MCUB: variants seen among roughly 807,000 people sequenced by gnomAD.
MCUB encodes the protein mitochondrial calcium uniporter dominant negative subunit beta, also known as calcium uniporter regulatory subunit MCUb, mitochondrial.
Under a neutral mutation model 41.4 loss-of-function variants are expected in MCUB, and 46 were observed. The observed-to-expected ratio is 1.11, with a 90% CI of 0.88 to 1.42. The LOEUF (loss-of-function observed/expected upper bound fraction) is 1.42. Ranked by LOEUF, MCUB falls within the 40% of genes most tolerant of loss-of-function variation. MCUB has a pLI of 0.00. For missense variants in MCUB, 403 were observed against 404.9 expected (o/e 1.00, Z 0.04); for synonymous variants, 148 against 148.2 (o/e 1.00, Z 0.01).
intron 1 of MCUB, 75 bp from the exon 2 acceptor site, chr4:109,658,936 T>G (rs1219903359): frequency 4.8e-6 from 4 of 841,752 alleles, no homozygotes; most frequent in Non-Finnish European, 7.9e-6. Context: ...AAGAATCTTA[T>G]GGTAAAATAA....
intron 1 of MCUB, among the ~76,000 whole-genome samples, chr4:109,580,934 C>T (rs535639132): frequency 1.1e-4 from 16 of 152,222 alleles, no homozygotes; most frequent in South Asian, 4.2e-4. Context: ...GAATCAATAT[C>T]GTGAAAATGG....
At chr4:109,625,583 G>A (rs565775357) in intron 1 of MCUB, among the ~76,000 whole-genome samples, 4 of 152,122 alleles carry the variant, frequency 2.6e-5, no homozygotes, top group Non-Finnish European at 4.4e-5. Flanking sequence ...AATAGGTTAG[G>A]TGCATTTTCA....
intron 1 of MCUB, among the ~76,000 whole-genome samples, chr4:109,596,977 A>G (rs1392617655): frequency 1.3e-5 from 2 of 151,824 alleles, no homozygotes; most frequent in Non-Finnish European, 2.9e-5. Context: ...AACAAAGCAC[A>G]TCTTGCACCG....
intron 1 of MCUB, among the ~76,000 whole-genome samples, chr4:109,611,773 T>G (rs1226422061): frequency 6.6e-6 from 1 of 152,204 alleles, no homozygotes; most frequent in African/African-American, 2.4e-5. Flanking sequence ...GTCCATTTCT[T>G]TTTATTGGTA....
intron 1 of MCUB, among the ~76,000 whole-genome samples, chr4:109,588,100 C>T (rs1727351292): frequency 6.6e-6 from 1 of 152,144 alleles, no homozygotes; most frequent in African/African-American, 2.4e-5. Context: ...TTGCAGTAGC[C>T]TTTATCTTCA....
chr4:109,588,381 T>C (rs1727356306), intron 1 of MCUB, among the ~76,000 whole-genome samples: 1 of 152,308 alleles, frequency 6.6e-6, no homozygotes, highest in South Asian at 2.1e-4. Context: ...GCCGAGAAAT[T>C]GCTGTGTGAC....
chr4:109,662,967 A>G (rs1198433037), intron 3 of MCUB, among the ~76,000 whole-genome samples: 1 of 152,192 alleles, frequency 6.6e-6, no homozygotes, highest in Admixed American at 6.5e-5. Context: ...TCTCACTGCA[A>G]CTGATGAACA....
At chr4:109,664,416 C>A in intron 4 of MCUB, 22 bp downstream of exon 4, 72 of 801,246 alleles carry the variant, frequency 9.0e-5, no homozygotes, top group Non-Finnish European at 1.3e-4. Flanking sequence ...AGCTATCCAA[C>A]TATTACTTTT....
At chr4:109,565,990 A>G (rs966997516) in intron 1 of MCUB, among the ~76,000 whole-genome samples, 3 of 151,690 alleles carry the variant, frequency 2.0e-5, no homozygotes, top group African/African-American at 7.3e-5. Flanking sequence ...AGGCAGGCAC[A>G]CACCACCATG....
At chr4:109,580,432 C>A (rs1302114126) in intron 1 of MCUB, among the ~76,000 whole-genome samples, 4 of 152,306 alleles carry the variant, frequency 2.6e-5, no homozygotes, top group Admixed American at 2.0e-4. Context: ...ATTTCTAGTT[C>A]TAGATCCCTG....
intron 1 of MCUB, among the ~76,000 whole-genome samples, chr4:109,567,465 T>C (rs1726808795): frequency 1.8e-5 from 1 of 55,306 alleles, no homozygotes; most frequent in African/African-American, 9.6e-5. Flanking sequence ...TTTTTGGAGA[T>C]CGAGACCATC....
chr4:109,655,604 T>C (rs1729075848), intron 1 of MCUB, among the ~76,000 whole-genome samples: 1 of 152,180 alleles, frequency 6.6e-6, no homozygotes, highest in Non-Finnish European at 1.5e-5. Context: ...AAATGCTTCA[T>C]GGTTAAAGAG....
rs17040741 is a variant in MCUB, at chr4:109,685,570, A to C, written c.933+203A>C. Among the ~76,000 whole-genome samples, 1,239 of 152,314 alleles carry C rather than the reference A, an allele frequency of 8.1e-3. 19 individuals are homozygous for C. Among genetic ancestry groups the C allele is most frequent in the African/African-American group, 0.028 (1,149 of 41,570 alleles). ...CTCTTCTGTACATGAAGATAGCTTTAAATATGTGTGTTAAAATTTCTTAAA... is the reference window on the plus strand; with the variant it reads ...CTCTTCTGTACATGAAGATAGCTTTCAATATGTGTGTTAAAATTTCTTAAA... On this transcript the variant is annotated intron_variant, in intron 7 of 7. Transcript: ENST00000394650.
At chr4:109,630,490 A>AT (rs1020318178) in intron 1 of MCUB, among the ~76,000 whole-genome samples, 9 of 151,466 alleles carry the variant, frequency 5.9e-5, no homozygotes, top group African/African-American at 1.9e-4. Context: ...CATTATCTAA[A>AT]TTTTTTTTTC....
intron 4 of MCUB, among the ~76,000 whole-genome samples, chr4:109,676,555 T>A (rs1001889614): frequency 6.6e-6 from 1 of 152,216 alleles, no homozygotes; most frequent in Non-Finnish European, 1.5e-5. Context: ...TTTTCTAGTC[T>A]GCTCTTCCAA....
intron 1 of MCUB, among the ~76,000 whole-genome samples, chr4:109,584,415 G>T (rs1426004360): frequency 6.6e-6 from 1 of 151,998 alleles, no homozygotes; most frequent in African/African-American, 2.4e-5. Context: ...TGGATTCATT[G>T]ATTTTTTTCT....
intron 1 of MCUB, among the ~76,000 whole-genome samples, chr4:109,638,835 C>G (rs1390731797): frequency 6.6e-6 from 1 of 152,218 alleles, no homozygotes; most frequent in African/African-American, 2.4e-5. Flanking sequence ...CAAGAAACCA[C>G]TTTCTTTGCT....
chr4:109,632,298 T>C (rs1033227034), intron 1 of MCUB, among the ~76,000 whole-genome samples: 1 of 152,180 alleles, frequency 6.6e-6, no homozygotes, highest in Non-Finnish European at 1.5e-5. Flanking sequence ...GGGCCATGGT[T>C]TGCTGAACGC....
intron 1 of MCUB, among the ~76,000 whole-genome samples, chr4:109,639,750 G>A (rs993480999): frequency 6.6e-6 from 1 of 152,296 alleles, no homozygotes; most frequent in Admixed American, 6.5e-5. Flanking sequence ...TCTAGGCTTT[G>A]TGGTTGCGTG....
Sources: gnomAD v4.1 joint callset for allele counts (sites outside exome capture counted in the v4.1 genomes callset) on GRCh38, gnomAD v4.1.1 for gene constraint, MANE v1.5 for transcripts, NCBI Gene and HGNC (gene_info 2026-07-23, HGNC 2026-07-21) for gene names.